CD86: variants seen among roughly 807,000 people sequenced by gnomAD.
CD86 encodes the protein T-lymphocyte activation antigen CD86.
CD86 carries 11 observed loss-of-function variants against 32.1 expected under a neutral mutation model. That is an observed-to-expected ratio of 0.34 (90% confidence interval 0.22 to 0.57). CD86 has a LOEUF of 0.57. Ranked by LOEUF, CD86 falls within the 20% of genes least tolerant of loss-of-function variation. The pLI, the probability that CD86 is intolerant of heterozygous loss-of-function variation, is 0.86. For synonymous variants in CD86, 137 were observed against 135.3 expected, an observed-to-expected ratio of 1.01 and a Z score of -0.09; for missense variants, 359 against 398.4, an observed-to-expected ratio of 0.90 and a Z score of 0.84.
intron 5 of CD86, 124 bp downstream of exon 5, chr3:122,109,532 A>G: frequency 8.9e-7 from 1 of 1,128,340 alleles, no homozygotes; most frequent in South Asian, 1.3e-5. Flanking sequence ...TGTTGGGAAA[A>G]AAGGTTTTCC....
At chr3:122,063,665 C>T (rs1351416232) in intron 1 of CD86, among the ~76,000 whole-genome samples, 1 of 150,770 alleles carries the variant, frequency 6.6e-6, no homozygotes, top group Non-Finnish European at 1.5e-5. Flanking sequence ...GTAGTGCAAT[C>T]TCAGTTCACT....
At position 122,120,420 on chromosome 3, in the gene CD86, G is replaced by A. The variant is rs902654828; in HGVS notation, c.*886G>A. 5 of 152,398 alleles carry A rather than the reference G, an allele frequency of 3.3e-5. No individual in the cohort carries two copies. The highest frequency in any genetic ancestry group is 1.2e-4 in the African/African-American group (5 of 41,560). The allele number at this position is 152,398 out of a possible 1,614,324, so 9.4% of individuals were successfully genotyped here. A position where few individuals can be genotyped will look rare whatever the true frequency, so the allele number is the denominator to read the frequency against. On this transcript the variant is annotated 3_prime_UTR_variant, in exon 7 of 7. Transcript: ENST00000330540. Reference sequence around the variant, plus strand: ...AAGAGAGAGAGAGAGAAAAAAGAGAGATCTTGATCCACAGAAATACATGAA... The same window carrying A: ...AAGAGAGAGAGAGAGAAAAAAGAGAAATCTTGATCCACAGAAATACATGAA...
At chr3:122,086,721 G>C (rs1169128509) in intron 1 of CD86, 2 of 415,646 alleles carry the variant, frequency 4.8e-6, no homozygotes, top group Non-Finnish European at 9.8e-6. Flanking sequence ...GATGCAAAGG[G>C]ATACTTTGGG....
chr3:122,055,604 T>C, intron 1 of CD86, 101 bp downstream of exon 1: 5 of 1,069,534 alleles, frequency 4.7e-6, no homozygotes, highest in South Asian at 1.3e-5. Flanking sequence ...CTTCACTTAG[T>C]TCCTAAGTGG....
At chr3:122,066,041 A>G (rs2072408316) in intron 1 of CD86, among the ~76,000 whole-genome samples, 1 of 152,200 alleles carries the variant, frequency 6.6e-6, no homozygotes. Context: ...TTAGAAAAAA[A>G]GAAAAACAAG....
At chr3:122,102,089 C>A (rs1331613135) in intron 2 of CD86, among the ~76,000 whole-genome samples, 2 of 152,094 alleles carry the variant, frequency 1.3e-5, no homozygotes, top group South Asian at 2.1e-4. Flanking sequence ...TCTCACTGGG[C>A]CACTCTGTAC....
intron 2 of CD86, among the ~76,000 whole-genome samples, chr3:122,093,842 A>G (rs2001791): frequency 0.79 from 119,627 of 152,130 alleles, 48,152 homozygotes; most frequent in Non-Finnish European, 0.87. Flanking sequence ...GCCCAGAGAG[A>G]TGAAGTAATT....
intron 5 of CD86, among the ~76,000 whole-genome samples, chr3:122,111,962 A>T (rs889022505): frequency 1.3e-5 from 2 of 152,256 alleles, no homozygotes; most frequent in African/African-American, 4.8e-5. Context: ...TTAAATGAAT[A>T]AAAAGGAAAT....
At chr3:122,080,083 G>A (rs1329453544) in intron 1 of CD86, among the ~76,000 whole-genome samples, 1 of 152,134 alleles carries the variant, frequency 6.6e-6, no homozygotes, top group Non-Finnish European at 1.5e-5. Context: ...CCCTCAAGTT[G>A]TGGCCCTGAA....
chr3:122,100,634 G>A (rs138122655), intron 2 of CD86, among the ~76,000 whole-genome samples: 1 of 152,288 alleles, frequency 6.6e-6, no homozygotes, highest in African/African-American at 2.4e-5. Context: ...GACTTCATAA[G>A]GCTAGCAAAT....
intron 1 of CD86, among the ~76,000 whole-genome samples, chr3:122,068,517 C>T (rs2107505021): frequency 6.6e-6 from 1 of 152,272 alleles, no homozygotes; most frequent in South Asian, 2.1e-4. Context: ...GACAAATAGG[C>T]CACTTAAATT....
chr3:122,060,906 T>C (rs911034587), intron 1 of CD86, among the ~76,000 whole-genome samples: 1 of 152,156 alleles, frequency 6.6e-6, no homozygotes, highest in South Asian at 2.1e-4. Context: ...GGATCATTTA[T>C]AATTTACATC....
In CD86 at chr3:122,055,367, T is replaced by G; in HGVS notation, c.-123T>G. The G allele has an allele frequency of 1.1e-6, 1 of 921,688 alleles. No homozygotes were observed. Among genetic ancestry groups the G allele is most frequent in the Admixed American group, 1.8e-5 (1 of 54,950 alleles). The allele number at this position is 921,688 out of a possible 1,614,324, so 57.1% of individuals were successfully genotyped here. ...AGTTAGCTGGGTAGGTATACAGTCA[T>G]TGCCGAGGAAGGCTTGCACAGGGTG... On this transcript the variant is annotated 5_prime_UTR_variant, in exon 1 of 7. Coordinates refer to ENST00000330540, the MANE Select transcript of CD86 (RefSeq NM_175862.5).
chr3:122,060,144 G>A (rs1298919933), intron 1 of CD86, among the ~76,000 whole-genome samples: 1 of 152,174 alleles, frequency 6.6e-6, no homozygotes, highest in East Asian at 1.9e-4. Context: ...AGGGAGGAGG[G>A]AAAGAAACCA....
chr3:122,057,835 C>G (rs533242568), intron 1 of CD86, among the ~76,000 whole-genome samples: 2 of 152,340 alleles, frequency 1.3e-5, no homozygotes, highest in African/African-American at 2.4e-5. Flanking sequence ...CTGCAGCACT[C>G]TTCCCTTATT....
chr3:122,066,252 C>T (rs1167445630), intron 1 of CD86, among the ~76,000 whole-genome samples: 3 of 152,134 alleles, frequency 2.0e-5, no homozygotes, highest in Non-Finnish European at 2.9e-5. Context: ...TTCTTTGTCA[C>T]TTAGAAGGTT....
At chr3:122,097,794 C>T (rs1444123545) in intron 2 of CD86, among the ~76,000 whole-genome samples, 1 of 152,060 alleles carries the variant, frequency 6.6e-6, no homozygotes, top group African/African-American at 2.4e-5. Context: ...GTCTTCAAGG[C>T]AGGGAGTGGA....
At chr3:122,066,295 C>A (rs1249205799) in intron 1 of CD86, among the ~76,000 whole-genome samples, 1 of 152,052 alleles carries the variant, frequency 6.6e-6, no homozygotes, top group Admixed American at 6.6e-5. Flanking sequence ...GTAAGGAATA[C>A]GAGAGTGAAT....
chr3:122,105,268 T>G (rs2073073210), intron 3 of CD86, among the ~76,000 whole-genome samples: 1 of 152,234 alleles, frequency 6.6e-6, no homozygotes, highest in Non-Finnish European at 1.5e-5. Flanking sequence ...TCACAGATCT[T>G]GTTAATGAAG....
Sources: gnomAD v4.1 joint callset for allele counts (sites outside exome capture counted in the v4.1 genomes callset) on GRCh38, gnomAD v4.1.1 for gene constraint, MANE v1.5 for transcripts, NCBI Gene and HGNC (gene_info 2026-07-23, HGNC 2026-07-21) for gene names.